IQCM: variants seen among roughly 807,000 people sequenced by gnomAD.
The protein encoded by IQCM is IQ domain-containing protein M.
Under a neutral mutation model 57.6 loss-of-function variants are expected in IQCM, and 45 were observed. The ratio of observed to expected loss-of-function variants is 0.78; its 90% CI spans 0.62 to 1.00. The LOEUF is 1.00. Ranked by LOEUF, IQCM falls within the 50% of genes least tolerant of loss-of-function variation. The pLI, the probability that IQCM is intolerant of heterozygous loss-of-function variation, is 0.00. For missense variants in IQCM, 468 were observed against 511.6 expected (o/e 0.91, Z 0.82); for synonymous variants, 148 against 158.9 (o/e 0.93, Z 0.51).
intron 2 of IQCM, chr4:149,790,109 C>G: frequency 1.5e-6 from 1 of 679,444 alleles, no homozygotes; most frequent in Admixed American, 2.9e-5. Context: ...AAAAAAAGAA[C>G]AGCCCTTATT....
rs375928467 is a variant in IQCM at position 149,457,647 on chromosome 4, C to A, written c.1229-24090G>T. On this transcript the variant is annotated intron_variant, in intron 12 of 13. Coordinates refer to ENST00000636793, the MANE Select transcript of IQCM (RefSeq NM_001363507.2). ...TGGTTAGCTGAAGGATAAAATGATA[C>A]AGAAGTATGATCAAAATATAGAAAG... Among the ~76,000 whole-genome samples the A allele has an allele frequency of 3.3e-5, 5 of 151,686 alleles. No individual in the cohort carries two copies. In the East Asian group the frequency reaches 9.7e-4, roughly 29 times the overall value.
At chr4:149,686,061 C>G (rs1350829510) in intron 6 of IQCM, among the ~76,000 whole-genome samples, 1 of 151,494 alleles carries the variant, frequency 6.6e-6, no homozygotes, top group African/African-American at 2.4e-5. Context: ...TATTAAAATT[C>G]TAAACTTATG....
At chr4:149,523,867 C>A (rs937405064) in intron 12 of IQCM, among the ~76,000 whole-genome samples, 3 of 152,004 alleles carry the variant, frequency 2.0e-5, no homozygotes, top group African/African-American at 7.2e-5. Flanking sequence ...ACTTTCTCTG[C>A]AAAACCAAAG....
chr4:149,726,175 C>A (rs1009437598), intron 5 of IQCM, among the ~76,000 whole-genome samples: 3 of 151,294 alleles, frequency 2.0e-5, no homozygotes, highest in Non-Finnish European at 4.4e-5. Flanking sequence ...TTTTTCATAG[C>A]AAACTATATT....
At position 149,733,365 on chromosome 4, in the gene IQCM, G is replaced by A; in HGVS notation, c.264C>T (p.Cys88=). The A allele has an allele frequency of 8.1e-7, 1 of 1,231,824 alleles. No individual in the cohort carries two copies. The highest frequency in any genetic ancestry group is 3.2e-5 in the East Asian group (1 of 31,670). The allele number at this position is 1,231,824 out of a possible 1,614,324, so 76.3% of individuals were successfully genotyped here. ...QEHRAALRRI[C]FPKELSKSEH... ...CGCTTTTGGAAAGCTCCTTGGGAAA[G>A]CAAATCCTTCTGAGTGCGGCCCGAT... The change falls in exon 5 of 14, where the codon TGC becomes TGT. Residue 88 remains cysteine (C), a synonymous_variant. Transcript: ENST00000636793.
intron 12 of IQCM, among the ~76,000 whole-genome samples, chr4:149,543,118 C>T (rs982052832): frequency 6.6e-6 from 1 of 151,756 alleles, no homozygotes; most frequent in Admixed American, 6.6e-5. Flanking sequence ...TTTTTAACTA[C>T]TTGATTAGTT....
At chr4:149,358,292 TG>T (rs1177526434) in intron 13 of IQCM, among the ~76,000 whole-genome samples, 1 of 152,196 alleles carries the variant, frequency 6.6e-6, no homozygotes, top group Non-Finnish European at 1.5e-5. Flanking sequence ...TGCTAGCTTT[TG>T]AATGTGTTTG....
At chr4:149,653,104 A>G (rs961713861) in intron 7 of IQCM, among the ~76,000 whole-genome samples, 20 of 152,220 alleles carry the variant, frequency 1.3e-4, no homozygotes, top group Non-Finnish European at 1.6e-4. Flanking sequence ...TATAAAATCA[A>G]TAAAGATCTT....
chr4:149,680,035 A>G (rs1161245928), intron 7 of IQCM, among the ~76,000 whole-genome samples: 1 of 151,488 alleles, frequency 6.6e-6, no homozygotes, highest in East Asian at 1.9e-4. Flanking sequence ...ATAATCTTTC[A>G]GATATTTCTA....
intron 12 of IQCM, among the ~76,000 whole-genome samples, chr4:149,481,701 G>GTTTTTTTTTTTTTTTGTTTTT (rs1740837055): frequency 3.9e-5 from 2 of 51,580 alleles, no homozygotes; most frequent in Admixed American, 2.5e-4. Flanking sequence ...TTCCAGTTTT[G>GTTTTTTTTTTTTTTTGTTTTT]TTTTTTTTTT....
intron 10 of IQCM, among the ~76,000 whole-genome samples, 190 bp from the exon 11 acceptor site, chr4:149,553,477 A>C (rs1321502023): frequency 1.3e-5 from 2 of 152,176 alleles, no homozygotes; most frequent in Non-Finnish European, 1.5e-5. Flanking sequence ...TTCCATTATG[A>C]ATTGCTTTGT....
At chr4:149,703,948 C>G (rs752078509) in intron 5 of IQCM, among the ~76,000 whole-genome samples, 1 of 151,768 alleles carries the variant, frequency 6.6e-6, no homozygotes, top group Non-Finnish European at 1.5e-5. Flanking sequence ...CTAAGAATTC[C>G]TTTCACTTAT....
At chr4:149,629,841 AT>A (rs1282615882) in intron 7 of IQCM, among the ~76,000 whole-genome samples, 5 of 152,094 alleles carry the variant, frequency 3.3e-5, no homozygotes, top group African/African-American at 9.7e-5. Context: ...AATTGCACTC[AT>A]TTTTTTCTAA....
chr4:149,518,619 T>C (rs1318429053), intron 12 of IQCM, among the ~76,000 whole-genome samples: 2 of 152,160 alleles, frequency 1.3e-5, no homozygotes, highest in South Asian at 2.1e-4. Context: ...AAGTCAGAGA[T>C]ATTGTGAAAG....
intron 2 of IQCM, among the ~76,000 whole-genome samples, chr4:149,743,671 G>A (rs1767667280): frequency 6.6e-6 from 1 of 152,172 alleles, no homozygotes; most frequent in Non-Finnish European, 1.5e-5. Flanking sequence ...GAGGAATGAA[G>A]TCTGCCTTGT....
intron 12 of IQCM, among the ~76,000 whole-genome samples, chr4:149,525,470 G>A (rs530879707): frequency 3.1e-4 from 47 of 151,538 alleles, no homozygotes; most frequent in African/African-American, 1.1e-3. Flanking sequence ...CAGAACAAAG[G>A]GCCCTTAACT....
intron 12 of IQCM, among the ~76,000 whole-genome samples, chr4:149,450,080 A>G (rs1320318429): frequency 6.6e-6 from 1 of 151,882 alleles, no homozygotes; most frequent in African/African-American, 2.4e-5. Flanking sequence ...CTCATTTTTG[A>G]CAAAAGTGCC....
intron 5 of IQCM, among the ~76,000 whole-genome samples, chr4:149,687,060 T>C (rs1192004493): frequency 1.3e-5 from 2 of 151,662 alleles, no homozygotes; most frequent in Non-Finnish European, 3.0e-5. Flanking sequence ...GGGACCAATA[T>C]ATAGTTTGAA....
chr4:149,800,874 G>A (rs1773541460), intron 2 of IQCM, among the ~76,000 whole-genome samples: 1 of 151,848 alleles, frequency 6.6e-6, no homozygotes, highest in Non-Finnish European at 1.5e-5. Context: ...TTATGGATTG[G>A]AAGAGTCAAT....
Sources: gnomAD v4.1 joint callset for allele counts (sites outside exome capture counted in the v4.1 genomes callset) on GRCh38, gnomAD v4.1.1 for gene constraint, MANE v1.5 for transcripts, NCBI Gene and HGNC (gene_info 2026-07-23, HGNC 2026-07-21) for gene names.